Variants in USP8 observed in about 807,000 individuals in gnomAD.
USP8 encodes ubiquitin carboxyl-terminal hydrolase 8.
USP8 carries 27 observed loss-of-function variants against 130.0 expected under a neutral mutation model. That is an observed-to-expected ratio of 0.21 (90% CI 0.15 to 0.29). USP8 has a LOEUF of 0.29. Among genes scored for constraint, USP8 ranks in the 10% least tolerant of loss-of-function variants. USP8 has a pLI of 1.00. For synonymous variants in USP8, 392 were observed against 444.1 expected (o/e 0.88, Z 1.48); for missense variants, 1,029 against 1,312.2 (o/e 0.78, Z 3.33).
intron 5 of USP8, among the ~76,000 whole-genome samples, chr15:50,459,412 C>T (rs1056602932): frequency 1.4e-4 from 21 of 151,990 alleles, no homozygotes; most frequent in Non-Finnish European, 3.1e-4. Flanking sequence ...AGCGAAACCC[C>T]GACTCTACTA....
At position 50,495,947 on chromosome 15, in the gene USP8, T is replaced by C. The variant is rs1448047549; in HGVS notation, c.2758T>C (p.Ser920Pro). 6.2e-7 allele frequency: 1 copy of C among 1,613,458 alleles called. No homozygotes were observed. Residue 920 changes from serine to proline, a missense_variant, in exon 17 of 20, where the codon TCT (serine) becomes CCT (proline). Ser to Pro is a moderately conservative substitution (Grantham distance 74). Coordinates refer to ENST00000307179, the MANE Select transcript of USP8 (RefSeq NM_005154.5). ...AWQKHKQLNE[S>P]IIVALFQGQF... ...GCAGAAACACAAGCAGCTCAATGAGTCTATTATTGTTGCACTTTTTCAGGG... is the reference window on the plus strand; with the variant it reads ...GCAGAAACACAAGCAGCTCAATGAGCCTATTATTGTTGCACTTTTTCAGGG...
intron 1 of USP8, among the ~76,000 whole-genome samples, chr15:50,433,234 C>CAA (rs200637747): frequency 7.4e-5 from 10 of 135,172 alleles, no homozygotes; most frequent in Admixed American, 1.4e-4. Flanking sequence ...ACTCCGTCTC[C>CAA]AAAAAAAAAA....
At chr15:50,469,699 G>A (rs2051312326) in intron 7 of USP8, among the ~76,000 whole-genome samples, 1 of 152,038 alleles carries the variant, frequency 6.6e-6, no homozygotes, top group South Asian at 2.1e-4. Context: ...TACCAGTCCG[G>A]CCCAGCTTGC....
intron 4 of USP8, among the ~76,000 whole-genome samples, chr15:50,453,270 A>G (rs1443150748): frequency 7.2e-5 from 11 of 152,200 alleles, no homozygotes; most frequent in Non-Finnish European, 1.6e-4. Flanking sequence ...ACATCTATTG[A>G]TGGGTTCATC....
chr15:50,439,095 C>G lies in USP8; in HGVS notation c.22C>G (p.Pro8Ala). ...CATCATGCCTGCTGTGGCTTCAGTT[C>G]CTAAAGAACTCTACCTCAGTTCTTC... The part of the protein sequence containing the change: MPAVASV[P>A]KELYLSSSLK... The change falls in exon 2 of 20, where the codon CCT (proline) becomes GCT (alanine). Residue 8 changes from proline (P) to alanine (A), a missense_variant. Pro to Ala is a conservative substitution (Grantham distance 27). Transcript: ENST00000307179. 6.2e-7 allele frequency: 1 copy of G among 1,606,340 alleles called. No individual in the cohort carries two copies. Among genetic ancestry groups the G allele is most frequent in the Non-Finnish European group, 8.5e-7 (1 of 1,177,788 alleles).
At position 50,506,957 on chromosome 15, in the gene USP8, C is replaced by CAAAAAAAAAAAAAAAAAA. The variant is rs58329541; in HGVS notation, c.*7885_*7902dup. 4.3e-5 allele frequency: 2 copies of CAAAAAAAAAAAAAAAAAA among 46,196 alleles called. 1 individual carries two copies. The highest frequency in any genetic ancestry group is 1.9e-4 in the African/African-American group (2 of 10,530). 2.9% of individuals were successfully genotyped at this position (46,196 alleles called of 1,614,324 possible). On this transcript the variant is annotated 3_prime_UTR_variant, in exon 20 of 20. Coordinates refer to ENST00000307179, the MANE Select transcript of USP8 (RefSeq NM_005154.5). ...TGGGCGACAGAGCGAGACTTCATCT[C>CAAAAAAAAAAAAAAAAAA]AAAAAAAAAAAAAAAAAAAAAAAAA...
Position 50,481,872 on chromosome 15 carries a change from A to G in USP8, c.1610A>G (p.Asp537Gly). The G allele has an allele frequency of 6.4e-7, 1 of 1,552,044 alleles. No individual in the cohort carries two copies. Among genetic ancestry groups the G allele is most frequent in the South Asian group, 1.2e-5 (1 of 81,626 alleles). ...GAAAGTGAACAGGCCAAGAAAGAAG[A>G]TAAAGAAACCTCAGCAAAGAGGGGC... ...KKESEQAKKE[D>G]KETSAKRGKE... Residue 537 changes from aspartate (D) to glycine (G), a missense_variant, in exon 11 of 20, where the codon GAT becomes GGT. Physicochemically the swap from Asp to Gly is moderately conservative, Grantham distance 94. Around this residue, in one of 4 missense-constraint regions of USP8, gnomAD observed 486 missense variants for 522.0 expected, o/e 0.93. Transcript: ENST00000307179.
At chr15:50,466,490 G>A (rs776449692) in intron 7 of USP8, among the ~76,000 whole-genome samples, 16 of 151,922 alleles carry the variant, frequency 1.1e-4, no homozygotes, top group Non-Finnish European at 1.8e-4. Flanking sequence ...AGCTACTCGG[G>A]AGGCTGAGGC....
At chr15:50,437,132 T>C (rs564982153) in intron 1 of USP8, among the ~76,000 whole-genome samples, 1 of 152,236 alleles carries the variant, frequency 6.6e-6, no homozygotes, top group South Asian at 2.1e-4. Flanking sequence ...TGCGTTGTTA[T>C]GCTCATATTA....
At chr15:50,482,539 G>C (rs1380644790) in intron 11 of USP8, among the ~76,000 whole-genome samples, 1 of 152,054 alleles carries the variant, frequency 6.6e-6, no homozygotes, top group African/African-American at 2.4e-5. Flanking sequence ...GTGTCATTTT[G>C]TTTCTTGCTT....
Position 50,441,023 on chromosome 15 carries a change from A to G in USP8, c.105-326A>G, listed in dbSNP as rs979885604. ...TCTCAAAAAAAAAAAAAAGGAGTGC[A>G]CAACCTAGATCCCTCACATGTGCAG... On this transcript the variant is annotated intron_variant, in intron 2 of 19. Transcript: ENST00000307179. Among the ~76,000 whole-genome samples, 2 of 151,150 alleles carry G rather than the reference A, an allele frequency of 1.3e-5. 1 individual carries two copies. The highest frequency in any genetic ancestry group is 1.3e-4 in the Admixed American group (2 of 15,124).
chr15:50,489,577 C>T (rs548662308), intron 12 of USP8: 32 of 215,362 alleles, frequency 1.5e-4, no homozygotes, highest in Non-Finnish European at 2.6e-4. Flanking sequence ...TCATTACAGG[C>T]TTAGACATAC....
intron 3 of USP8, among the ~76,000 whole-genome samples, chr15:50,448,063 C>G (rs2050499890): frequency 6.6e-6 from 1 of 152,008 alleles, no homozygotes; most frequent in African/African-American, 2.4e-5. Flanking sequence ...TTTGATCTGC[C>G]TAGTTACAGA....
At chr15:50,489,306 T>C (rs1469987345) in intron 12 of USP8, among the ~76,000 whole-genome samples, 1 of 152,208 alleles carries the variant, frequency 6.6e-6, no homozygotes, top group Non-Finnish European at 1.5e-5. Context: ...AATATTCATT[T>C]GCTAGGATAC....
Position 50,499,333 on chromosome 15 carries a change from A to AAAAT in USP8, c.*248_*251dup, listed in dbSNP as rs1439473093. 10 of 327,554 alleles carry AAAAT rather than the reference A, an allele frequency of 3.1e-5. No individual in the cohort carries two copies. Among genetic ancestry groups the AAAAT allele is most frequent in the Non-Finnish European group, 5.5e-5 (10 of 181,884 alleles). The allele number at this position is 327,554 out of a possible 1,614,324, so 20.3% of individuals were successfully genotyped here. ...AACTTTTTTAGTCTGCTCCAAAGTT[A>AAAAT]AAATAATTAACTAGCTAAGCATTAT... On this transcript the variant is annotated 3_prime_UTR_variant, in exon 20 of 20. Transcript: ENST00000307179.
Position 50,459,055 on chromosome 15 carries a change from G to A in USP8, c.391G>A (p.Ala131Thr). ...TGAGGAAAAAGACAGGCAGGAGGAA[G>A]CACAGCGGCTACAACAAAAAAGGCA... ...KLEEKDRQEEAQRLQQKRQET... is the reference protein window; with the variant it reads ...KLEEKDRQEETQRLQQKRQET... The change falls in exon 5 of 20, where the codon GCA becomes ACA. Residue 131 changes from alanine to threonine, a missense_variant. Around this residue, in one of 4 missense-constraint regions of USP8, gnomAD observed 281 missense variants for 336.7 expected, o/e 0.83. Coordinates refer to ENST00000307179, the MANE Select transcript of USP8 (RefSeq NM_005154.5). The A allele has an allele frequency of 6.2e-7, 1 of 1,613,924 alleles. No homozygotes were observed. Among genetic ancestry groups the A allele is most frequent in the South Asian group, 1.1e-5 (1 of 91,076 alleles).
rs1343737315 is a variant in USP8 at position 50,507,433 on chromosome 15, A to G, written c.*8345A>G. The G allele has an allele frequency of 6.6e-6, 1 of 152,198 alleles. No individual in the cohort carries two copies. Among genetic ancestry groups the G allele is most frequent in the Non-Finnish European group, 1.5e-5 (1 of 68,040 alleles). 9.4% of individuals were successfully genotyped at this position (152,198 alleles called of 1,614,324 possible). ...TGGATTTTCAGATTAGGGATGCTCAACTTGTCGTAGGTAGATATGACCAAG... is the reference window on the plus strand; with the variant it reads ...TGGATTTTCAGATTAGGGATGCTCAGCTTGTCGTAGGTAGATATGACCAAG... On this transcript the variant is annotated 3_prime_UTR_variant, in exon 20 of 20. Transcript: ENST00000307179.
At chr15:50,437,756 G>T (rs1043126384) in intron 1 of USP8, among the ~76,000 whole-genome samples, 1 of 152,194 alleles carries the variant, frequency 6.6e-6, no homozygotes. Flanking sequence ...TAGATACCTC[G>T]CTAGAAGGAC....
Position 50,452,079 on chromosome 15 carries a change from G to GA in USP8, c.335+2601dup, listed in dbSNP as rs1184859396. Among the ~76,000 whole-genome samples the GA allele has an allele frequency of 1.4e-4, 21 of 152,222 alleles. No homozygotes were observed. In the East Asian group the frequency reaches 3.7e-3, roughly 27 times the overall value. On this transcript the variant is annotated intron_variant, in intron 4 of 19. Transcript: ENST00000307179. Reference sequence around the variant, plus strand: ...CGCTATAGACATAGCCCCAGATTCTGAAAAAAATGCTTTAGCAAAAAGACC... The same window carrying GA: ...CGCTATAGACATAGCCCCAGATTCTGAAAAAAAATGCTTTAGCAAAAAGACC...
Sources: allele counts gnomAD v4.1 joint callset (sites outside exome capture counted in the v4.1 genomes callset), GRCh38; gene constraint gnomAD v4.1.1; regional missense constraint gnomAD v4.1.1; transcripts MANE v1.5; gene names NCBI Gene and HGNC (gene_info 2026-07-23, HGNC 2026-07-21).